SMC2: variants seen among roughly 807,000 people sequenced by gnomAD.
The protein encoded by SMC2 is structural maintenance of chromosomes protein 2.
A neutral mutation model predicts 142.6 loss-of-function variants in SMC2; 41 were observed. The observed-to-expected ratio is 0.29, with a 90% CI of 0.22 to 0.37. The LOEUF (loss-of-function observed/expected upper bound fraction) is 0.37. Among genes scored for constraint, SMC2 ranks in the 10% least tolerant of loss-of-function variants. The probability of loss-of-function intolerance (pLI) is 1.00; values close to 1 mark genes in which losing one functional copy is unlikely to be tolerated. For synonymous variants in SMC2, 463 were observed against 457.5 expected (o/e 1.01, Z -0.15); for missense variants, 1,265 against 1,373.7 (o/e 0.92, Z 1.25).
intron 7 of SMC2, among the ~76,000 whole-genome samples, chr9:104,101,058 CT>C (rs1020094229): frequency 1.5e-4 from 23 of 152,262 alleles, no homozygotes; most frequent in African/African-American, 5.5e-4. Flanking sequence ...CCACCTTAGC[CT>C]TCTGAGTAGC....
At chr9:104,102,238 C>T (rs752056940) in intron 8 of SMC2, 45 bp downstream of exon 8, 23 of 1,216,412 alleles carry the variant, frequency 1.9e-5, no homozygotes, top group African/African-American at 3.1e-5. Flanking sequence ...CTGTGAAAAA[C>T]GTACTAAATT....
rs4742904 is a variant in SMC2 at position 104,094,671 on chromosome 9, C to T, written c.-62+194C>T. On this transcript the variant is annotated intron_variant, in intron 1 of 24. Coordinates refer to ENST00000374793, the MANE Select transcript of SMC2 (RefSeq NM_006444.3). ...AGTAGGGCGAAGAGGTGTAGACAGGCCTGGAGAAGCGAGGTAAAAGCCTGA... is the reference window on the plus strand; with the variant it reads ...AGTAGGGCGAAGAGGTGTAGACAGGTCTGGAGAAGCGAGGTAAAAGCCTGA... The T allele has an allele frequency of 0.51, 187,526 of 368,290 alleles. 51,418 individuals carry two copies. The highest frequency in any genetic ancestry group is 0.56 in the Middle Eastern group (809 of 1,444). 22.8% of individuals were successfully genotyped at this position (368,290 alleles called of 1,614,324 possible). A position where few individuals can be genotyped will look rare whatever the true frequency, so the allele number is the denominator to read the frequency against.
intron 23 of SMC2, among the ~76,000 whole-genome samples, 185 bp from the exon 24 acceptor site, chr9:104,137,828 CTAAAA>C (rs531804382): frequency 1.4e-5 from 2 of 142,134 alleles, no homozygotes; most frequent in Non-Finnish European, 2.9e-5. Flanking sequence ...AAATGGAAAG[CTAAAA>C]TAAAAGAAAT....
At chr9:104,134,773 C>T (rs1188658506) in intron 23 of SMC2, among the ~76,000 whole-genome samples, 198 bp downstream of exon 23, 1 of 152,048 alleles carries the variant, frequency 6.6e-6, no homozygotes, top group Non-Finnish European at 1.5e-5. Flanking sequence ...GAAAATTAGA[C>T]AAAACATGTT....
At chr9:104,130,805 G>A (rs979394306) in intron 21 of SMC2, among the ~76,000 whole-genome samples, 5 of 151,862 alleles carry the variant, frequency 3.3e-5, no homozygotes, top group South Asian at 2.1e-4. Context: ...ACTTTTACTC[G>A]TTTACTTCTA....
chr9:104,108,776 G>A (rs912668283), intron 9 of SMC2, among the ~76,000 whole-genome samples: 3 of 37,734 alleles, frequency 8.0e-5, no homozygotes, highest in African/African-American at 2.8e-4. Flanking sequence ...TAAAATCCTA[G>A]GTTTCATGGT....
In SMC2 at chr9:104,113,412, C is replaced by G. The variant is rs1489612426; in HGVS notation, c.1351C>G (p.Leu451Val). The G allele has an allele frequency of 1.2e-5, 20 of 1,609,448 alleles. No homozygotes were observed. Among genetic ancestry groups the G allele is most frequent in the Non-Finnish European group, 1.7e-5 (20 of 1,178,154 alleles). The change falls in exon 11 of 25, where the codon CTA becomes GTA. Residue 451 changes from leucine (L) to valine (V), a missense_variant. Coordinates refer to ENST00000374793, the MANE Select transcript of SMC2 (RefSeq NM_006444.3). ...TGGCTACAGGAAGGATCAAGAAGCT[C>G]TAGAAGCTGTAAAAAGACTTAAAGA... The part of the protein sequence containing the change: ...DSGYRKDQEA[L>V]EAVKRLKEKL...
intron 9 of SMC2, among the ~76,000 whole-genome samples, chr9:104,107,686 A>T (rs760645455): frequency 2.3e-4 from 35 of 152,176 alleles, no homozygotes; most frequent in Non-Finnish European, 4.1e-4. Flanking sequence ...GTTTGACTAT[A>T]TCTGGGATAC....
chr9:104,118,060 A>G, intron 14 of SMC2, 111 bp from the exon 15 acceptor site: 1 of 739,432 alleles, frequency 1.4e-6, no homozygotes, highest in South Asian at 2.3e-5. Context: ...TTTTAATGCT[A>G]GGTAAGTATT....
At position 104,118,151 on chromosome 9, in the gene SMC2, T is replaced by C; in HGVS notation, c.1792-20T>C. 6.2e-7 allele frequency: 1 copy of C among 1,603,018 alleles called. No homozygotes were observed. On this transcript the variant is annotated intron_variant, in intron 14 of 24. Transcript: ENST00000374793. ...AAAAGTAGTAGTATGTACTGTGGCA[T>C]ATCTGTTGTTGTCCCACAGGTTGGC...
chr9:104,113,690 A>G lies in SMC2; in HGVS notation c.1414+215A>G, dbSNP rs576263439. Among the ~76,000 whole-genome samples the G allele has an allele frequency of 7.2e-5, 11 of 152,282 alleles. No homozygotes were observed. In the South Asian group the frequency reaches 1.4e-3, roughly 20 times the overall value. ...TCAGTATTGAGAATTTCCTGCTTCAATCATTTGAAAGCTCAAAAATGTCAT... is the reference window on the plus strand; with the variant it reads ...TCAGTATTGAGAATTTCCTGCTTCAGTCATTTGAAAGCTCAAAAATGTCAT... On this transcript the variant is annotated intron_variant, in intron 11 of 24. Coordinates refer to ENST00000374793, the MANE Select transcript of SMC2 (RefSeq NM_006444.3).
At chr9:104,098,123 A>C (rs1830663912) in intron 3 of SMC2, among the ~76,000 whole-genome samples, 1 of 152,222 alleles carries the variant, frequency 6.6e-6, no homozygotes, top group African/African-American at 2.4e-5. Flanking sequence ...TACAGAAAGA[A>C]AGTAACTAGG....
chr9:104,126,842 T>C (rs1028193176), intron 19 of SMC2, 58 bp downstream of exon 19: 3 of 1,459,852 alleles, frequency 2.1e-6, no homozygotes, highest in Non-Finnish European at 2.8e-6. Flanking sequence ...TATGAAACAT[T>C]AGCTTAAGAT....
Position 104,140,401 on chromosome 9 carries a change from A to T in SMC2, c.*1086A>T, listed in dbSNP as rs1304803532. On this transcript the variant is annotated 3_prime_UTR_variant, in exon 25 of 25. Transcript: ENST00000374793. ...CGTCATCACTAGAACAGTGACCCCAAACTGAATCATGAAAGGTCTGACATG... is the reference window on the plus strand; with the variant it reads ...CGTCATCACTAGAACAGTGACCCCATACTGAATCATGAAAGGTCTGACATG... 1 of 152,052 alleles carries T rather than the reference A, an allele frequency of 6.6e-6. No individual in the cohort carries two copies. The highest frequency in any genetic ancestry group is 1.5e-5 in the Non-Finnish European group (1 of 67,984). The allele number at this position is 152,052 out of a possible 1,614,324, so 9.4% of individuals were successfully genotyped here.
In SMC2 at chr9:104,132,840, G is replaced by GTT. The variant is rs763551994; in HGVS notation, c.3108+727_3108+728dup. 9.0e-3 allele frequency among the ~76,000 whole-genome samples: 1,304 copies of GTT among 144,298 alleles called. 4 individuals are homozygous for GTT. Among genetic ancestry groups the GTT allele is most frequent in the East Asian group, 0.015 (76 of 4,980 alleles). The allele number at this position is 144,298 out of a possible 152,430, so 94.7% of individuals were successfully genotyped here. On this transcript the variant is annotated intron_variant, in intron 22 of 24. Coordinates refer to ENST00000374793, the MANE Select transcript of SMC2 (RefSeq NM_006444.3). ...GTCGATTTAACACTGGATCTGAGAG[G>GTT]TTTTTTTTTTTTTCTTTTTTCCCAC...
chr9:104,100,411 C>T lies in SMC2; in HGVS notation c.614C>T (p.Pro205Leu), dbSNP rs367818044. Residue 205 changes from proline to leucine, a missense_variant, in exon 7 of 25, where the codon CCA becomes CTA. Around this residue, in one of 4 missense-constraint regions of SMC2, gnomAD observed 898 missense variants for 904.2 expected, o/e 0.99. Transcript: ENST00000374793. ...IKTILEEEIT[P>L]TIQKLKEERS... ...CAGATACTTGAAGAAGAGATTACTC[C>T]AACCATTCAAAAATTAAAAGAGGTA... 1.3e-6 allele frequency: 2 copies of T among 1,520,760 alleles called. No individual in the cohort carries two copies. Among genetic ancestry groups the T allele is most frequent in the African/African-American group, 2.8e-5 (2 of 72,202 alleles). The allele number at this position is 1,520,760 out of a possible 1,614,324, so 94.2% of individuals were successfully genotyped here. A position where few individuals can be genotyped will look rare whatever the true frequency, so the allele number is the denominator to read the frequency against.
chr9:104,098,416 T>G (rs1462524742), intron 3 of SMC2, 30 bp from the exon 4 acceptor site: 1 of 1,546,084 alleles, frequency 6.5e-7, no homozygotes. Flanking sequence ...GCATGTACAT[T>G]AATATTTAAA....
At chr9:104,121,862 C>T (rs1263365299) in intron 16 of SMC2, among the ~76,000 whole-genome samples, 1 of 152,122 alleles carries the variant, frequency 6.6e-6, no homozygotes, top group Non-Finnish European at 1.5e-5. Context: ...CTCACTGCAA[C>T]CTCTGCCTCA....
chr9:104,125,404 A>G lies in SMC2; in HGVS notation c.2451+299A>G, dbSNP rs536019118. ...TACTCTGTATAATGCAAATATTCCAAAATCCAAAAAAAAAATCTGAAGTCT... is the reference window on the plus strand; with the variant it reads ...TACTCTGTATAATGCAAATATTCCAGAATCCAAAAAAAAAATCTGAAGTCT... On this transcript the variant is annotated intron_variant, in intron 18 of 24. Transcript: ENST00000374793. 3.3e-5 allele frequency among the ~76,000 whole-genome samples: 5 copies of G among 152,300 alleles called. No individual in the cohort carries two copies. In the South Asian group the frequency reaches 1.0e-3, roughly 32 times the overall value.
Sources: allele counts gnomAD v4.1 joint callset (sites outside exome capture counted in the v4.1 genomes callset), GRCh38; gene constraint gnomAD v4.1.1; regional missense constraint gnomAD v4.1.1; transcripts MANE v1.5; gene names NCBI Gene and HGNC (gene_info 2026-07-23, HGNC 2026-07-21).